DNAH5: variants seen among roughly 807,000 people sequenced by gnomAD.
The protein encoded by DNAH5 is axonemal beta dynein heavy chain 5.
DNAH5 carries 372 observed loss-of-function variants against 518.2 expected under a neutral mutation model. The observed-to-expected ratio is 0.72, with a 90% CI of 0.66 to 0.78. The LOEUF is 0.78. Among genes scored for constraint, DNAH5 ranks in the 30% least tolerant of loss-of-function variants. DNAH5 has a pLI of 0.00. For synonymous variants in DNAH5, 2,039 were observed against 2,025.9 expected, an observed-to-expected ratio of 1.01 and a Z score of -0.17; for missense variants, 5,523 against 5,687.0, an observed-to-expected ratio of 0.97 and a Z score of 0.93.
intron 41 of DNAH5, among the ~76,000 whole-genome samples, chr5:13,818,469 G>A (rs1761768239): frequency 6.6e-6 from 1 of 152,192 alleles, no homozygotes. Flanking sequence ...TGGCGGAAGT[G>A]CCAAAGCACT....
At position 13,938,465 on chromosome 5, in the gene DNAH5, T is replaced by C. The variant is rs547691076; in HGVS notation, c.57+5917A>G. On this transcript the variant is annotated intron_variant, in intron 1 of 78. Coordinates refer to ENST00000265104, the MANE Select transcript of DNAH5 (RefSeq NM_001369.3). The stretch of plus-strand genomic sequence containing the variant: ...TAGTTATAATTGTTCTATTTTATTA[T>C]TATTGTTGTTGTTAATCTTTTACTG... 1.6e-4 allele frequency among the ~76,000 whole-genome samples: 24 copies of C among 152,148 alleles called. No homozygotes were observed. In the East Asian group the frequency reaches 4.6e-3, roughly 29 times the overall value.
intron 66 of DNAH5, among the ~76,000 whole-genome samples, chr5:13,736,769 G>A (rs1036077920): frequency 2.0e-5 from 3 of 152,062 alleles, no homozygotes; most frequent in Admixed American, 6.6e-5. Context: ...AAAGATAGCC[G>A]ATCCAACTGA....
Position 13,928,112 on chromosome 5 carries a change from C to T in DNAH5, c.259G>A (p.Val87Met), listed in dbSNP as rs1778067241. The change falls in exon 3 of 79, where the codon GTG becomes ATG. Residue 87 changes from valine (V) to methionine (M), a missense_variant. Physicochemically the swap from Val to Met is conservative, Grantham distance 21. Transcript: ENST00000265104. ...CAGATACCTGTTTCTGCTTCCTCCA[C>T]ATCTTGATAGTAAAACATGAGGTGT... The part of the protein sequence containing the change: ...LRHLMFYYQD[V>M]EEAETGQLGS... The T allele has an allele frequency of 1.9e-6, 3 of 1,613,768 alleles. No individual in the cohort carries two copies. Among genetic ancestry groups the T allele is most frequent in the Non-Finnish European group, 2.5e-6 (3 of 1,179,690 alleles).
rs1217486639 is a variant in DNAH5 at position 13,839,518 on chromosome 5, T to C, written c.5720A>G (p.His1907Arg). 2.5e-6 allele frequency: 4 copies of C among 1,613,528 alleles called. No individual in the cohort carries two copies. Among genetic ancestry groups the C allele is most frequent in the African/African-American group, 1.3e-5 (1 of 74,938 alleles). Residue 1907 changes from histidine to arginine, a missense_variant, in exon 35 of 79, where the codon CAT becomes CGT. Transcript: ENST00000265104. The part of the protein sequence containing the change: ...RDIFDDLCHM[H>R]IKSPMDFEWL... ...CTCAAAGTCCATGGGACTCTTGATA[T>C]GCATATGACACTGAAATTCAAAAGG...
intron 18 of DNAH5, 77 bp downstream of exon 18, chr5:13,885,887 G>A: frequency 7.9e-7 from 1 of 1,270,080 alleles, no homozygotes; most frequent in Non-Finnish European, 1.1e-6. Flanking sequence ...GAAATTAATT[G>A]GTATGTAGAA....
chr5:13,810,455 G>A, intron 44 of DNAH5, 195 bp from the exon 45 acceptor site: 1 of 640,468 alleles, frequency 1.6e-6, no homozygotes, highest in South Asian at 1.8e-5. Context: ...AACATAATAG[G>A]GTTGGCCGGG....
chr5:13,941,709 A>G (rs1779478684), intron 1 of DNAH5, among the ~76,000 whole-genome samples: 1 of 152,208 alleles, frequency 6.6e-6, no homozygotes, highest in South Asian at 2.1e-4. Flanking sequence ...GCTTCTACCC[A>G]CAAGAGATTC....
At chr5:13,807,409 T>C (rs990215974) in intron 47 of DNAH5, among the ~76,000 whole-genome samples, 182 bp downstream of exon 47, 2 of 152,224 alleles carry the variant, frequency 1.3e-5, no homozygotes, top group African/African-American at 4.8e-5. Context: ...ATTTAAGATG[T>C]TATATTCTAA....
rs117345124 is a variant in DNAH5 at position 13,994,971 on chromosome 5, C to T, written c.12+16677G>A. On this transcript the variant is annotated intron_variant, in intron 1 of 78. Transcript: ENST00000681290. ...AAGAATCCACGCAAGCCAGAAGACC[C>T]GTTCCAGGAGTTCAGGGTGGCAAGC... 1.6e-3 allele frequency among the ~76,000 whole-genome samples: 238 copies of T among 152,298 alleles called. 4 individuals carry two copies. In the East Asian group the frequency reaches 0.037, roughly 24 times the overall value.
intron 35 of DNAH5, 119 bp from the exon 36 acceptor site, chr5:13,830,894 A>G (rs1328238529): frequency 8.7e-6 from 8 of 916,636 alleles, no homozygotes; most frequent in Non-Finnish European, 1.4e-5. Flanking sequence ...GTCCCTACCT[A>G]ACATTTCGAA....
chr5:13,954,217 C>A (rs995226790), intron 1 of DNAH5, among the ~76,000 whole-genome samples: 1 of 152,148 alleles, frequency 6.6e-6, no homozygotes, highest in Non-Finnish European at 1.5e-5. Context: ...CCCTGATATA[C>A]CCTGCACGAT....
Position 13,782,181 on chromosome 5 carries a change from G to A in DNAH5, c.8821-1222C>T, listed in dbSNP as rs74707135. On this transcript the variant is annotated intron_variant, in intron 52 of 78. Transcript: ENST00000265104. The stretch of plus-strand genomic sequence containing the variant: ...TTTCTTAGAAGAATGATAGAGGCTG[G>A]GCAGGGACTGGAAGGGGTCACTTCT... Among the ~76,000 whole-genome samples the A allele has an allele frequency of 6.6e-3, 999 of 152,238 alleles. 8 individuals carry two copies. Among genetic ancestry groups the A allele is most frequent in the African/African-American group, 0.023 (941 of 41,524 alleles).
In DNAH5 at chr5:13,841,015, A is replaced by C; in HGVS notation, c.5600T>G (p.Leu1867Arg). 6.2e-7 allele frequency: 1 copy of C among 1,614,168 alleles called. No homozygotes were observed. The highest frequency in any genetic ancestry group is 8.5e-7 in the Non-Finnish European group (1 of 1,180,004). Reference protein sequence around the residue: ...QKTNQAFLELLNTLIDVTTRD... With the variant: ...QKTNQAFLELRNTLIDVTTRD... ...CGTGGTGACGTCTATCAATGTATTG[A>C]GTAGCTCCAGGAAAGCCTGATTAGT... The change falls in exon 34 of 79, where the codon CTC (leucine) becomes CGC (arginine). Residue 1867 changes from leucine to arginine, a missense_variant. Transcript: ENST00000265104.
intron 12 of DNAH5, among the ~76,000 whole-genome samples, chr5:13,903,685 G>A (rs1027195108): frequency 5.3e-5 from 8 of 151,804 alleles, no homozygotes; most frequent in Non-Finnish European, 8.8e-5. Context: ...AACAATAGCC[G>A]ACAAAAATCA....
At chr5:13,793,072 C>T (rs145121075) in intron 49 of DNAH5, among the ~76,000 whole-genome samples, 2 of 152,186 alleles carry the variant, frequency 1.3e-5, no homozygotes, top group East Asian at 1.9e-4. Context: ...AATTTCAGAC[C>T]GTGTCCAATC....
chr5:13,985,433 ATATATATATATAT>A (rs1561045585), intron 1 of DNAH5, among the ~76,000 whole-genome samples: 1 of 5,710 alleles, frequency 1.8e-4, no homozygotes, highest in Non-Finnish European at 3.5e-4. Flanking sequence ...ATAATAAAAT[ATATATATATATAT>A]ATATATATAT....
At chr5:13,697,038 C>A (rs1395262092) in intron 78 of DNAH5, among the ~76,000 whole-genome samples, 3 of 152,106 alleles carry the variant, frequency 2.0e-5, no homozygotes, top group Non-Finnish European at 2.9e-5. Context: ...TGTTCAATGT[C>A]AAATTGCCGT....
Position 13,778,601 on chromosome 5 carries a change from AG to A in DNAH5, c.8952-1247del, listed in dbSNP as rs1472579363. Among the ~76,000 whole-genome samples, 50 of 150,330 alleles carry A rather than the reference AG, an allele frequency of 3.3e-4. 2 individuals carry two copies. The highest frequency in any genetic ancestry group is 1.2e-3 in the African/African-American group (49 of 40,546). On this transcript the variant is annotated intron_variant, in intron 53 of 78. Transcript: ENST00000265104. ...AAGAAAGAAAGAAAGAAAGAAAGAG[AG>A]AGAGAAAGAAAAAGAAAGAAAGAAA...
At chr5:13,833,131 C>CAAAA (rs57578159) in intron 35 of DNAH5, among the ~76,000 whole-genome samples, 3 of 140,242 alleles carry the variant, frequency 2.1e-5, no homozygotes, top group Admixed American at 7.1e-5. Context: ...ATGTGTTATC[C>CAAAA]AAAAAAAAAA....
Sources: allele counts gnomAD v4.1 joint callset (sites outside exome capture counted in the v4.1 genomes callset), GRCh38; gene constraint gnomAD v4.1.1; transcripts MANE v1.5; gene names NCBI Gene and HGNC (gene_info 2026-07-23, HGNC 2026-07-21).